DCP1B: variants seen among roughly 807,000 people sequenced by gnomAD.
The protein encoded by DCP1B is mRNA-decapping enzyme 1B.
A neutral mutation model predicts 60.5 loss-of-function variants in DCP1B; 47 were observed. The ratio of observed to expected loss-of-function variants is 0.78; its 90% CI spans 0.61 to 0.99. DCP1B has a LOEUF of 0.99. Ranked by LOEUF, DCP1B falls within the 50% of genes least tolerant of loss-of-function variation. The pLI, the probability that DCP1B is intolerant of heterozygous loss-of-function variation, is 0.00. For missense variants in DCP1B, 725 were observed against 756.8 expected, an observed-to-expected ratio of 0.96 and a Z score of 0.49; for synonymous variants, 267 against 280.3, an observed-to-expected ratio of 0.95 and a Z score of 0.47.
At chr12:1,993,184 C>T (rs762864966) in intron 3 of DCP1B, 80 bp downstream of exon 3, 2 of 1,598,508 alleles carry the variant, frequency 1.3e-6, no homozygotes, top group Non-Finnish European at 1.7e-6. Context: ...AATGCAAACA[C>T]AATGGCAAAC....
intron 3 of DCP1B, among the ~76,000 whole-genome samples, chr12:1,973,328 C>T (rs1169209706): frequency 6.6e-6 from 1 of 152,078 alleles, no homozygotes. Flanking sequence ...TACTCATGAA[C>T]ATTTTGGGGG....
rs757893497 is a variant in DCP1B, at chr12:1,955,547, G to T, written c.536C>A (p.Ser179Tyr). 6.2e-7 allele frequency: 1 copy of T among 1,613,254 alleles called. No individual in the cohort carries two copies. The highest frequency in any genetic ancestry group is 8.5e-7 in the Non-Finnish European group (1 of 1,179,418). ...GGAACTGGTTATCTTTTTTGGCTCA[G>T]AACAGGTTTTACACTGAAATAGAAA... ...KDEYTKCKTCSEPKKITSSSA... is the reference protein window; with the variant it reads ...KDEYTKCKTCYEPKKITSSSA... The change falls in exon 6 of 9, where the codon TCT becomes TAT. Residue 179 changes from serine (S) to tyrosine (Y), a missense_variant. By Grantham distance (144) the Ser-to-Tyr change is moderately radical. Coordinates refer to ENST00000280665, the MANE Select transcript of DCP1B (RefSeq NM_152640.5).
chr12:1,949,097 A>G lies in DCP1B; in HGVS notation c.1762T>C (p.Tyr588His). 6.2e-7 allele frequency: 1 copy of G among 1,613,878 alleles called. No homozygotes were observed. The highest frequency in any genetic ancestry group is 1.1e-5 in the South Asian group (1 of 91,072). Residue 588 changes from tyrosine to histidine, a missense_variant, in exon 8 of 9, where the codon TAC becomes CAC. Tyr to His is a moderately conservative substitution (Grantham distance 83). Coordinates refer to ENST00000280665, the MANE Select transcript of DCP1B (RefSeq NM_152640.5). Reference sequence around the variant, plus strand: ...ACGTGCTTGCTTACCTGAATGAGGTACAGCAGTGCCTCCTGGAGCTGGAGC... The same window carrying G: ...ACGTGCTTGCTTACCTGAATGAGGTGCAGCAGTGCCTCCTGGAGCTGGAGC... The part of the protein sequence containing the change: ...TKLQLQEALL[Y>H]LIQNDDNFLN...
intron 3 of DCP1B, among the ~76,000 whole-genome samples, chr12:1,972,989 G>A (rs1565786770): frequency 1.3e-5 from 2 of 152,200 alleles, no homozygotes; most frequent in Non-Finnish European, 2.9e-5. Context: ...GCGTTTGGCC[G>A]GCTCTGTGCG....
chr12:1,971,124 C>T lies in DCP1B; in HGVS notation c.320-3214G>A, dbSNP rs1418424825. The T allele has an allele frequency of 7.8e-7, 1 of 1,289,366 alleles. No homozygotes were observed. Among genetic ancestry groups the T allele is most frequent in the Admixed American group, 2.3e-5 (1 of 43,572 alleles). The allele number at this position is 1,289,366 out of a possible 1,614,324, so 79.9% of individuals were successfully genotyped here. ...TACCAGCCGCTTCCCAGCCACCTGT[C>T]TGCCAACACGGAGGTCAAGTTTAAG... On this transcript the variant is annotated intron_variant, in intron 3 of 8. Coordinates refer to ENST00000280665, the MANE Select transcript of DCP1B (RefSeq NM_152640.5). The surrounding 1 kb of genome is among the most constrained non-coding windows in gnomAD (Gnocchi z 4.2).
chr12:2,004,068 C>T, intron 1 of DCP1B: 2 of 665,318 alleles, frequency 3.0e-6, no homozygotes, highest in Non-Finnish European at 5.1e-6. Flanking sequence ...AGATTTAAGT[C>T]TTTTCCCCAA....
At chr12:1,952,340 C>CTTTTTT in intron 7 of DCP1B, 76 bp downstream of exon 7, 2 of 1,319,346 alleles carry the variant, frequency 1.5e-6, no homozygotes, top group Middle Eastern at 2.9e-4. Context: ...AGCCTGGCTA[C>CTTTTTT]TTTTTTTTTT....
intron 3 of DCP1B, among the ~76,000 whole-genome samples, chr12:1,969,865 A>G (rs1047218556): frequency 3.3e-5 from 5 of 152,062 alleles, no homozygotes; most frequent in Admixed American, 6.6e-5. Flanking sequence ...AGCCTGGCCT[A>G]TTTTTTTGGT....
intron 3 of DCP1B, among the ~76,000 whole-genome samples, chr12:1,987,624 C>T (rs1452907345): frequency 2.0e-5 from 3 of 152,116 alleles, no homozygotes; most frequent in Non-Finnish European, 4.4e-5. Flanking sequence ...ATTTAAATCC[C>T]TTTCCCATAT....
At chr12:1,987,991 C>A (rs1238568633) in intron 3 of DCP1B, among the ~76,000 whole-genome samples, 6 of 152,134 alleles carry the variant, frequency 3.9e-5, no homozygotes, top group African/African-American at 1.4e-4. Flanking sequence ...TCTTGGATAC[C>A]ATTCCTGAAG....
intron 7 of DCP1B, 31 bp downstream of exon 7, chr12:1,952,385 C>T (rs2030708816): frequency 2.0e-6 from 3 of 1,510,508 alleles, no homozygotes; most frequent in Non-Finnish European, 2.7e-6. Flanking sequence ...GCTGCCCAGG[C>T]TGTTTTATTT....
intron 3 of DCP1B, among the ~76,000 whole-genome samples, chr12:1,988,516 G>T (rs1352866327): frequency 6.6e-6 from 1 of 152,180 alleles, no homozygotes; most frequent in Non-Finnish European, 1.5e-5. Flanking sequence ...CCTCTGTGAG[G>T]AGGCAACGCT....
rs1033184981 is a variant in DCP1B at position 1,948,142 on chromosome 12, G to T, written c.1773+944C>A. Among the ~76,000 whole-genome samples the T allele has an allele frequency of 1.3e-5, 2 of 152,212 alleles. No homozygotes were observed. Among genetic ancestry groups the T allele is most frequent in the Non-Finnish European group, 2.9e-5 (2 of 68,036 alleles). On this transcript the variant is annotated intron_variant, in intron 8 of 8. Coordinates refer to ENST00000280665, the MANE Select transcript of DCP1B (RefSeq NM_152640.5). This position sits in a 1 kb window ranked among gnomAD's most constrained non-coding sequence, Gnocchi z 4.8. ...AAAAGACACCTAAATATGTTAACTGGGGTGTCTGAAGTCTGTCTGGCTACA... is the reference window on the plus strand; with the variant it reads ...AAAAGACACCTAAATATGTTAACTGTGGTGTCTGAAGTCTGTCTGGCTACA...
In DCP1B at chr12:1,994,550, T is replaced by A. The variant is rs1418333667; in HGVS notation, c.192-1159A>T. On this transcript the variant is annotated intron_variant, in intron 2 of 8. Coordinates refer to ENST00000280665, the MANE Select transcript of DCP1B (RefSeq NM_152640.5). Reference sequence around the variant, plus strand: ...TCATGATCATCACTTCAACTTAAATTCAGAGGAAGAATGAAAATGTACTCC... The same window carrying A: ...TCATGATCATCACTTCAACTTAAATACAGAGGAAGAATGAAAATGTACTCC... 2.0e-5 allele frequency among the ~76,000 whole-genome samples: 3 copies of A among 152,180 alleles called. No individual in the cohort carries two copies. In the East Asian group the frequency reaches 5.8e-4, roughly 29 times the overall value.
chr12:1,945,802 A>G (rs965144400), downstream of DCP1B, among the ~76,000 whole-genome samples: 3 of 152,116 alleles, frequency 2.0e-5, no homozygotes, highest in Admixed American at 2.0e-4. Context: ...CAAACACCAC[A>G]TGTTCTCACT....
At chr12:1,954,324 T>C (rs2030801253) in intron 6 of DCP1B, among the ~76,000 whole-genome samples, 1 of 152,190 alleles carries the variant, frequency 6.6e-6, no homozygotes. Flanking sequence ...GAAGACTTCT[T>C]TTCTTTAAAA....
intron 3 of DCP1B, chr12:1,992,299 T>A (rs754110256): frequency 2.9e-4 from 46 of 156,174 alleles, no homozygotes; most frequent in Non-Finnish European, 5.4e-4. Flanking sequence ...GACAATTATA[T>A]ACAGCATCAT....
At chr12:1,954,960 C>T (rs1420288658) in intron 6 of DCP1B, among the ~76,000 whole-genome samples, 2 of 152,150 alleles carry the variant, frequency 1.3e-5, no homozygotes, top group Admixed American at 1.3e-4. Context: ...AACTCCTAAG[C>T]TCAAGGGATC....
rs774839044 is a variant in DCP1B at position 1,946,258 on chromosome 12, T to C, written c.1802A>G (p.Tyr601Cys). The change falls in exon 9 of 9, where the codon TAT becomes TGT. Residue 601 changes from tyrosine (Y) to cysteine (C), a missense_variant. Physicochemically the swap from Tyr to Cys is radical, Grantham distance 194. Coordinates refer to ENST00000280665, the MANE Select transcript of DCP1B (RefSeq NM_152640.5). Reference protein sequence around the residue: ...QNDDNFLNIIYEAYLFSMTQA... With the variant: ...QNDDNFLNIICEAYLFSMTQA... Reference sequence around the variant, plus strand: ...AGTCATGCTGAAGAGATAGGCTTCATAGATTATATTTAAGAAGTTGTCATC... The same window carrying C: ...AGTCATGCTGAAGAGATAGGCTTCACAGATTATATTTAAGAAGTTGTCATC... The C allele has an allele frequency of 1.6e-5, 26 of 1,608,310 alleles. No individual in the cohort carries two copies. The highest frequency in any genetic ancestry group is 1.5e-4 in the South Asian group (13 of 89,346).
Sources: allele counts gnomAD v4.1 joint callset (sites outside exome capture counted in the v4.1 genomes callset), GRCh38; gene constraint gnomAD v4.1.1; non-coding constraint Gnocchi (gnomAD v3.1); transcripts MANE v1.5; gene names NCBI Gene and HGNC (gene_info 2026-07-23, HGNC 2026-07-21).